The following PDZRN3 variants were observed in gnomAD, a reference collection of about 807,000 sequenced individuals.
PDZRN3 encodes PDZ domain containing ring finger 3.
Under a neutral mutation model 85.7 loss-of-function variants are expected in PDZRN3, and 38 were observed. The ratio of observed to expected loss-of-function variants is 0.44; its 90% confidence interval spans 0.34 to 0.58. The LOEUF (loss-of-function observed/expected upper bound fraction) is 0.58, where lower values mean the gene tolerates loss of function less well. PDZRN3 is among the 20% of genes least tolerant of loss of function. PDZRN3 has a pLI of 0.01. For missense variants in PDZRN3, 1,629 were observed against 1,506.4 expected, an observed-to-expected ratio of 1.08 and a Z score of -1.35; for synonymous variants, 759 against 638.0, an observed-to-expected ratio of 1.19 and a Z score of -2.86.
chr3:73,612,952 A>G (rs1214494295), intron 1 of PDZRN3, among the ~76,000 whole-genome samples: 1 of 152,220 alleles, frequency 6.6e-6, no homozygotes, highest in East Asian at 1.9e-4. Context: ...ACATTCACAT[A>G]GTTCAACACC....
intron 3 of PDZRN3, among the ~76,000 whole-genome samples, chr3:73,489,078 T>C (rs1166383259): frequency 6.6e-6 from 1 of 152,144 alleles, no homozygotes; most frequent in Non-Finnish European, 1.5e-5. Context: ...ATGGGGGAGA[T>C]ACCTGGCTTG....
intron 3 of PDZRN3, among the ~76,000 whole-genome samples, chr3:73,491,787 T>TGG (rs11421809): frequency 1.6e-4 from 25 of 151,812 alleles, no homozygotes; most frequent in South Asian, 1.0e-3. Context: ...TTTATAGAGT[T>TGG]GGGGGGTCCC....
chr3:73,522,746 G>T (rs978263508), intron 3 of PDZRN3, among the ~76,000 whole-genome samples: 1 of 152,150 alleles, frequency 6.6e-6, no homozygotes, highest in African/African-American at 2.4e-5. Context: ...AAAACGAAGA[G>T]ATATTTGAAA....
At chr3:73,453,473 A>G (rs900425808) in intron 3 of PDZRN3, among the ~76,000 whole-genome samples, 1 of 151,296 alleles carries the variant, frequency 6.6e-6, no homozygotes, top group Admixed American at 6.6e-5. Context: ...TAATTCCTGA[A>G]CAGTCCACAG....
chr3:73,427,014 T>C (rs1702330027), intron 3 of PDZRN3, among the ~76,000 whole-genome samples: 1 of 152,194 alleles, frequency 6.6e-6, no homozygotes, highest in African/African-American at 2.4e-5. Context: ...TTTTGGCATA[T>C]TCTTTATCAC....
chr3:73,416,340 T>G (rs989954655), intron 3 of PDZRN3, among the ~76,000 whole-genome samples: 3 of 152,080 alleles, frequency 2.0e-5, no homozygotes, highest in Non-Finnish European at 2.9e-5. Context: ...ACAAAGCAAA[T>G]GCAAACACTA....
chr3:73,521,222 C>T (rs565532310), intron 3 of PDZRN3, among the ~76,000 whole-genome samples: 3 of 152,278 alleles, frequency 2.0e-5, no homozygotes, highest in South Asian at 2.1e-4. Context: ...CGTCAGCACC[C>T]CTCCTCTGCT....
At chr3:73,427,761 C>A (rs1441880006) in intron 3 of PDZRN3, among the ~76,000 whole-genome samples, 1 of 152,224 alleles carries the variant, frequency 6.6e-6, no homozygotes, top group African/African-American at 2.4e-5. Flanking sequence ...CTGGTAAACA[C>A]ATCCTGAACA....
intron 3 of PDZRN3, among the ~76,000 whole-genome samples, chr3:73,416,881 T>TGGG (rs1702097864): frequency 8.3e-6 from 1 of 119,808 alleles, no homozygotes; most frequent in Admixed American, 8.7e-5. Context: ...TTTTGGTTTT[T>TGGG]TTTTTTTTTT....
At chr3:73,532,316 T>C (rs1315174604) in intron 3 of PDZRN3, among the ~76,000 whole-genome samples, 1 of 152,154 alleles carries the variant, frequency 6.6e-6, no homozygotes, top group African/African-American at 2.4e-5. Context: ...CCAAGCATTT[T>C]TAAGCACAGT....
At chr3:73,520,720 AAATG>A (rs1392861320) in intron 3 of PDZRN3, among the ~76,000 whole-genome samples, 2 of 152,120 alleles carry the variant, frequency 1.3e-5, no homozygotes, top group Non-Finnish European at 2.9e-5. Context: ...ACACAGAAAA[AAATG>A]AAAGCAGGGG....
At chr3:73,485,370 A>G (rs1703644251) in intron 3 of PDZRN3, among the ~76,000 whole-genome samples, 1 of 151,116 alleles carries the variant, frequency 6.6e-6, no homozygotes, top group Admixed American at 6.6e-5. Context: ...TGGAATAAGA[A>G]ATACTTTCCT....
At chr3:73,448,548 G>A (rs954857883) in intron 3 of PDZRN3, among the ~76,000 whole-genome samples, 1 of 152,118 alleles carries the variant, frequency 6.6e-6, no homozygotes, top group Non-Finnish European at 1.5e-5. Flanking sequence ...TAGGGCATCA[G>A]AAAAACCTTC....
intron 3 of PDZRN3, among the ~76,000 whole-genome samples, chr3:73,440,198 C>A (rs549084808): frequency 6.6e-6 from 1 of 152,210 alleles, no homozygotes; most frequent in East Asian, 1.9e-4. Context: ...TAGTTTGGTG[C>A]AAAAGTAATT....
chr3:73,548,472 A>G (rs1299840313), intron 3 of PDZRN3, among the ~76,000 whole-genome samples: 2 of 152,180 alleles, frequency 1.3e-5, no homozygotes, highest in Non-Finnish European at 2.9e-5. Flanking sequence ...CACTAATTTG[A>G]GGCTTTTTGA....
chr3:73,500,937 G>T lies in PDZRN3; in HGVS notation c.919-96542C>A, dbSNP rs1703965905. Among the ~76,000 whole-genome samples, 3 of 151,692 alleles carry T rather than the reference G, an allele frequency of 2.0e-5. No homozygotes were observed. In the South Asian group the frequency reaches 6.2e-4, roughly 32 times the overall value. ...ATCATTTCTTTTTTTTTCTTACTTG[G>T]TGTTTTGCCTCCTACGTGCAAGTCT... On this transcript the variant is annotated intron_variant, in intron 3 of 9. Coordinates refer to ENST00000263666, the MANE Select transcript of PDZRN3 (RefSeq NM_015009.3).
chr3:73,468,402 AC>A (rs1231550786), intron 3 of PDZRN3, among the ~76,000 whole-genome samples: 2 of 151,002 alleles, frequency 1.3e-5, no homozygotes, highest in Admixed American at 6.6e-5. Flanking sequence ...TGTTTTAAGC[AC>A]CTTTTCCCCC....
intron 3 of PDZRN3, among the ~76,000 whole-genome samples, chr3:73,443,295 G>A (rs1702679312): frequency 6.6e-6 from 1 of 152,130 alleles, no homozygotes; most frequent in South Asian, 2.1e-4. Flanking sequence ...TAAGTTCGCA[G>A]ATGGCTTCCC....
chr3:73,404,207 G>A lies in PDZRN3; in HGVS notation c.1107C>T (p.Ala369=). 1 of 1,613,994 alleles carries A rather than the reference G, an allele frequency of 6.2e-7. No individual in the cohort carries two copies. The highest frequency in any genetic ancestry group is 8.5e-7 in the Non-Finnish European group (1 of 1,179,906). The change falls in exon 4 of 10, where the codon GCC becomes GCT. Residue 369 remains alanine, a synonymous_variant. Transcript: ENST00000263666. ...QTDITFEHIM[A]LTKMSSPSPP... is the part of the protein sequence containing the mutation. ...GGCTGGGAGAGGACATCTTAGTGAG[G>A]GCCATGATATGTTCAAAGGTGATGT...
Sources: gnomAD v4.1 joint callset for allele counts (sites outside exome capture counted in the v4.1 genomes callset) on GRCh38, gnomAD v4.1.1 for gene constraint, MANE v1.5 for transcripts, NCBI Gene and HGNC (gene_info 2026-07-23, HGNC 2026-07-21) for gene names.